The following CMTR1 variants were observed in gnomAD, a reference collection of about 807,000 sequenced individuals.
The protein encoded by CMTR1 is cap methyltransferase 1.
Under a neutral mutation model 107.0 loss-of-function variants are expected in CMTR1, and 39 were observed. That is an observed-to-expected ratio of 0.36 (90% CI 0.28 to 0.48). CMTR1 has a LOEUF of 0.48. Ranked by LOEUF, CMTR1 falls within the 20% of genes least tolerant of loss-of-function variation. CMTR1 has a pLI of 0.99. For missense variants in CMTR1, 672 were observed against 1,064.9 expected, an observed-to-expected ratio of 0.63 and a Z score of 5.14; for synonymous variants, 366 against 379.5, an observed-to-expected ratio of 0.96 and a Z score of 0.41.
At chr6:37,444,370 A>C (rs76176291) in intron 3 of CMTR1, among the ~76,000 whole-genome samples, 3,068 of 152,226 alleles carry the variant, frequency 0.02, 84 homozygotes, top group African/African-American at 0.067. Flanking sequence ...CTGCTGTTCT[A>C]TCTGGACTGG....
chr6:37,456,858 C>T (rs182038133), intron 8 of CMTR1, among the ~76,000 whole-genome samples: 2 of 152,202 alleles, frequency 1.3e-5, no homozygotes, highest in East Asian at 3.9e-4. Context: ...GCATACCTAG[C>T]ATTTGTGTAA....
chr6:37,476,324 A>G, intron 20 of CMTR1, 130 bp downstream of exon 20: 2 of 948,972 alleles, frequency 2.1e-6, no homozygotes, highest in Non-Finnish European at 3.3e-6. Flanking sequence ...CATTCTTGCC[A>G]TGAAGTTTGT....
chr6:37,429,331 T>C (rs1771334393), upstream of CMTR1, among the ~76,000 whole-genome samples: 1 of 152,234 alleles, frequency 6.6e-6, no homozygotes, highest in African/African-American at 2.4e-5. Context: ...ATGGTTATAA[T>C]GGCTATTCTT....
At chr6:37,427,284 C>T in the CMTR1 span, among the ~76,000 whole-genome samples, 6 of 152,190 alleles carry the variant, frequency 3.9e-5, no homozygotes, top group African/African-American at 4.8e-5. The surrounding 1 kb of genome is among the most constrained non-coding windows in gnomAD (Gnocchi z 4.4). Flanking sequence ...GCCATATTCC[C>T]GGTGCTTCCT....
chr6:37,468,054 T>TG (rs528737088), intron 13 of CMTR1, among the ~76,000 whole-genome samples: 24,066 of 136,618 alleles, frequency 0.18, 2,394 homozygotes, highest in East Asian at 0.44. Flanking sequence ...CTCTGTTTTG[T>TG]GGGGGGGGGG....
At chr6:37,474,406 C>T in intron 17 of CMTR1, 118 bp from the exon 18 acceptor site, 1 of 1,183,974 alleles carries the variant, frequency 8.4e-7, no homozygotes, top group Non-Finnish European at 1.2e-6. Flanking sequence ...ACATTTTCTT[C>T]TGACATTTCC....
At chr6:37,432,436 C>T (rs1043740126), upstream of CMTR1, among the ~76,000 whole-genome samples, 4 of 152,130 alleles carry the variant, frequency 2.6e-5, no homozygotes, top group African/African-American at 9.7e-5. Context: ...TTTGGAGTTA[C>T]TGGAGAAATT....
intron 13 of CMTR1, 40 bp downstream of exon 13, chr6:37,463,048 C>T: frequency 1.3e-6 from 2 of 1,584,814 alleles, no homozygotes; most frequent in Non-Finnish European, 8.7e-7. Flanking sequence ...ACACTGAGGT[C>T]CTAAGGAAGA....
chr6:37,424,944 C>CTTTTT, the CMTR1 span, among the ~76,000 whole-genome samples: 4 of 101,388 alleles, frequency 3.9e-5, no homozygotes, highest in East Asian at 5.1e-4. Flanking sequence ...TTTTCCCTCA[C>CTTTTT]TTTTTTTTTT....
chr6:37,477,589 C>T lies in CMTR1; in HGVS notation c.2106-3C>T, dbSNP rs188066528. 6.2e-4 allele frequency: 1,002 copies of T among 1,613,376 alleles called. 10 individuals are homozygous for T. In the African/African-American group the frequency reaches 0.011, roughly 18 times the overall value. On this transcript the variant is annotated splice_region_variant and splice_polypyrimidine_tract_variant and intron_variant, in intron 20 of 23. Coordinates refer to ENST00000373451, the MANE Select transcript of CMTR1 (RefSeq NM_015050.3). The stretch of plus-strand genomic sequence containing the variant: ...TGTCTTGTCTCTGTCCCTCTACCTG[C>T]AGGGTGAAGGAGGTGTACAGACTGG...
intron 13 of CMTR1, among the ~76,000 whole-genome samples, chr6:37,468,064 G>C (rs529138937): frequency 7.0e-6 from 1 of 142,092 alleles, no homozygotes; most frequent in South Asian, 2.5e-4. Flanking sequence ...TGGGGGGGGG[G>C]ACTAATTCAG....
At chr6:37,454,838 G>A (rs1161120843) in intron 8 of CMTR1, among the ~76,000 whole-genome samples, 15 of 152,042 alleles carry the variant, frequency 9.9e-5, no homozygotes, top group Admixed American at 7.9e-4. Flanking sequence ...TTTCATTTCC[G>A]TTTTCCCCTG....
chr6:37,479,122 C>A, intron 22 of CMTR1, 25 bp from the exon 23 acceptor site: 1 of 1,552,380 alleles, frequency 6.4e-7, no homozygotes, highest in Non-Finnish European at 8.9e-7. Context: ...CCCTTCTGGG[C>A]TTCATCCCCT....
intron 3 of CMTR1, among the ~76,000 whole-genome samples, chr6:37,445,077 T>C (rs1771756166): frequency 6.6e-6 from 1 of 152,144 alleles, no homozygotes; most frequent in Admixed American, 6.6e-5. Context: ...CCATTTTCTC[T>C]TAGATTCATT....
intron 16 of CMTR1, 109 bp from the exon 17 acceptor site, chr6:37,473,361 G>A (rs771903886): frequency 8.3e-6 from 10 of 1,197,916 alleles, no homozygotes; most frequent in Non-Finnish European, 1.2e-5. Context: ...ATTTCAGAGA[G>A]CCAATGCTTC....
At chr6:37,465,472 C>T (rs924830295) in intron 13 of CMTR1, among the ~76,000 whole-genome samples, 5 of 152,032 alleles carry the variant, frequency 3.3e-5, no homozygotes, top group African/African-American at 1.2e-4. Flanking sequence ...TTATATTGAA[C>T]CCCTTTTTAT....
chr6:37,425,177 C>A, the CMTR1 span, among the ~76,000 whole-genome samples: 1 of 150,160 alleles, frequency 6.7e-6, no homozygotes, highest in South Asian at 2.1e-4. Context: ...CTCCTGACTT[C>A]ATGATCCGCC....
At chr6:37,473,961 T>C (rs970371473) in intron 17 of CMTR1, among the ~76,000 whole-genome samples, 2 of 152,146 alleles carry the variant, frequency 1.3e-5, no homozygotes, top group African/African-American at 4.8e-5. Context: ...TCCCATCCCC[T>C]GTCTTGCAAA....
At position 37,470,438 on chromosome 6, in the gene CMTR1, G is replaced by T. The variant is rs913292561; in HGVS notation, c.1506-583G>T. Among the ~76,000 whole-genome samples, 9 of 152,012 alleles carry T rather than the reference G, an allele frequency of 5.9e-5. No homozygotes were observed. The South Asian group carries it at 1.9e-3, about 32-fold the overall frequency. On this transcript the variant is annotated intron_variant, in intron 13 of 23. Coordinates refer to ENST00000373451, the MANE Select transcript of CMTR1 (RefSeq NM_015050.3). ...TGGGATTACAGGTGTGAGCCACCGC[G>T]CCTGGCCGTCATTCACCCTTTCCAG...
Sources: allele counts gnomAD v4.1 joint callset (sites outside exome capture counted in the v4.1 genomes callset), GRCh38; gene constraint gnomAD v4.1.1; non-coding constraint Gnocchi (gnomAD v3.1); transcripts MANE v1.5; gene names NCBI Gene and HGNC (gene_info 2026-07-23, HGNC 2026-07-21).